Variants in INPP4B observed in about 807,000 individuals in gnomAD.
INPP4B encodes the protein inositol polyphosphate-4-phosphatase type II B, also known as inositol polyphosphate 4-phosphatase type II.
Under a neutral mutation model 122.5 loss-of-function variants are expected in INPP4B, and 55 were observed. The ratio of observed to expected loss-of-function variants is 0.45; its 90% CI spans 0.36 to 0.56. The LOEUF is 0.56. Among genes scored for constraint, INPP4B ranks in the 20% least tolerant of loss-of-function variants. The pLI is 0.00. For missense variants in INPP4B, 1,000 were observed against 1,097.7 expected (o/e 0.91, Z 1.26); for synonymous variants, 403 against 388.7 (o/e 1.04, Z -0.43).
intron 10 of INPP4B, among the ~76,000 whole-genome samples, chr4:142,268,805 T>C (rs1744300172): frequency 6.6e-6 from 1 of 152,198 alleles, no homozygotes; most frequent in Non-Finnish European, 1.5e-5. Context: ...AAAGAGATTC[T>C]TGGGACCCCA....
At chr4:142,767,541 C>G (rs1289670412) in intron 1 of INPP4B, 1 of 152,144 alleles carries the variant, frequency 6.6e-6, no homozygotes, top group Non-Finnish European at 1.5e-5. Flanking sequence ...CTTAGCTTAG[C>G]CTCTCTGTGC....
intron 12 of INPP4B, among the ~76,000 whole-genome samples, chr4:142,217,981 A>G (rs2149662347): frequency 6.6e-6 from 1 of 152,222 alleles, no homozygotes; most frequent in South Asian, 2.1e-4. Context: ...CTCACCCTGC[A>G]AATCTTGGGA....
intron 10 of INPP4B, among the ~76,000 whole-genome samples, chr4:142,267,717 T>C (rs1743516796): frequency 6.6e-6 from 1 of 152,048 alleles, no homozygotes; most frequent in African/African-American, 2.4e-5. Flanking sequence ...AATAAGCAAA[T>C]GGCATTGTAT....
chr4:142,090,706 C>T lies in INPP4B; in HGVS notation c.2375-4450G>A, dbSNP rs1003998952. On this transcript the variant is annotated intron_variant, in intron 23 of 25. Transcript: ENST00000262992. The stretch of plus-strand genomic sequence containing the variant: ...CTATGCATATCTCCATAATAGTATT[C>T]TTTTTTTTTTCAAATGGAGTTTAAG... Among the ~76,000 whole-genome samples, 26 of 149,462 alleles carry T rather than the reference C, an allele frequency of 1.7e-4. 1 individual carries two copies. Among genetic ancestry groups the T allele is most frequent in the Non-Finnish European group, 3.6e-4 (24 of 67,462 alleles).
intron 18 of INPP4B, among the ~76,000 whole-genome samples, chr4:142,136,728 G>C (rs1413369285): frequency 6.6e-6 from 1 of 152,204 alleles, no homozygotes; most frequent in African/African-American, 2.4e-5. Context: ...GGCAGGTGGT[G>C]GTAAGGGAAT....
intron 10 of INPP4B, 21 bp from the exon 11 acceptor site, chr4:142,260,585 A>G (rs765969704): frequency 1.4e-6 from 2 of 1,474,726 alleles, no homozygotes; most frequent in South Asian, 2.5e-5. Flanking sequence ...ATGTAAAAAA[A>G]AAAAAAAAAT....
chr4:142,454,806 T>A (rs972480676), intron 3 of INPP4B, among the ~76,000 whole-genome samples: 2 of 152,042 alleles, frequency 1.3e-5, no homozygotes, highest in Non-Finnish European at 2.9e-5. Flanking sequence ...TGCAAAGTTG[T>A]TAATTGTTTT....
At chr4:142,506,825 C>G (rs1011549182) in intron 2 of INPP4B, among the ~76,000 whole-genome samples, 1 of 152,076 alleles carries the variant, frequency 6.6e-6, no homozygotes, top group Non-Finnish European at 1.5e-5. Flanking sequence ...AATGATTGCT[C>G]TATTATTATT....
chr4:142,246,773 C>A (rs1729087887), intron 11 of INPP4B, among the ~76,000 whole-genome samples: 1 of 152,068 alleles, frequency 6.6e-6, no homozygotes, highest in Non-Finnish European at 1.5e-5. Context: ...CTCTTCCTAT[C>A]TGAATACCCT....
At chr4:142,263,453 C>T (rs1741086226) in intron 10 of INPP4B, among the ~76,000 whole-genome samples, 1 of 151,624 alleles carries the variant, frequency 6.6e-6, no homozygotes, top group African/African-American at 2.4e-5. Context: ...CATATTCTGT[C>T]TTCTATGAGA....
chr4:142,324,372 C>T (rs530543448), intron 7 of INPP4B, among the ~76,000 whole-genome samples: 99 of 152,210 alleles, frequency 6.5e-4, no homozygotes, highest in African/African-American at 2.4e-3. Flanking sequence ...AACCAACAGC[C>T]TGACTGGCCT....
At chr4:142,379,584 C>T (rs534951593) in intron 7 of INPP4B, among the ~76,000 whole-genome samples, 1 of 152,280 alleles carries the variant, frequency 6.6e-6, no homozygotes, top group East Asian at 1.9e-4. Context: ...CAAGGAAAGC[C>T]TGTGTTTCTT....
At chr4:142,750,917 T>A (rs1057132110) in intron 1 of INPP4B, among the ~76,000 whole-genome samples, 2 of 152,014 alleles carry the variant, frequency 1.3e-5, no homozygotes, top group African/African-American at 4.8e-5. Context: ...TAGAAACAGG[T>A]AGACTAAATG....
chr4:142,112,951 A>G (rs1279737122), intron 21 of INPP4B, among the ~76,000 whole-genome samples: 1 of 152,118 alleles, frequency 6.6e-6, no homozygotes, highest in African/African-American at 2.4e-5. Context: ...ACCCAGGGTC[A>G]TGTGCATTGA....
At chr4:142,732,550 GAACA>G (rs1428426102) in intron 1 of INPP4B, among the ~76,000 whole-genome samples, 2 of 151,732 alleles carry the variant, frequency 1.3e-5, no homozygotes, top group African/African-American at 4.8e-5. Context: ...CTACCATAAT[GAACA>G]AATAAAAAAT....
chr4:142,158,507 C>T (rs1385078699), intron 17 of INPP4B, among the ~76,000 whole-genome samples: 3 of 152,082 alleles, frequency 2.0e-5, no homozygotes, highest in African/African-American at 7.2e-5. Context: ...GATACAGTCC[C>T]CACTTTCTTC....
Position 142,348,643 on chromosome 4 carries a change from C to A in INPP4B, c.373-33881G>T, listed in dbSNP as rs990033201. ...TTCTTTCTCAATAAGAGCTTGGTGACACATTAATCTAAAGCAACATTGCTC... is the reference window on the plus strand; with the variant it reads ...TTCTTTCTCAATAAGAGCTTGGTGAAACATTAATCTAAAGCAACATTGCTC... On this transcript the variant is annotated intron_variant, in intron 7 of 25. Coordinates refer to ENST00000262992, the MANE Select transcript of INPP4B (RefSeq NM_001101669.3). 3.3e-5 allele frequency among the ~76,000 whole-genome samples: 5 copies of A among 152,140 alleles called. 1 individual carries two copies. Among genetic ancestry groups the A allele is most frequent in the Admixed American group, 3.3e-4 (5 of 15,262 alleles).
chr4:142,602,812 A>G (rs568762646), intron 2 of INPP4B, among the ~76,000 whole-genome samples: 1 of 152,318 alleles, frequency 6.6e-6, no homozygotes, highest in African/African-American at 2.4e-5. Flanking sequence ...TGACTCCTCA[A>G]AGACCTAGAG....
chr4:142,830,562 C>T (rs1781993758), intron 1 of INPP4B, among the ~76,000 whole-genome samples: 1 of 151,792 alleles, frequency 6.6e-6, no homozygotes, highest in Non-Finnish European at 1.5e-5. Flanking sequence ...GAGTGTGTTC[C>T]CTGCTGGAAG....
Sources: gnomAD v4.1 joint callset for allele counts (sites outside exome capture counted in the v4.1 genomes callset) on GRCh38, gnomAD v4.1.1 for gene constraint, MANE v1.5 for transcripts, NCBI Gene and HGNC (gene_info 2026-07-23, HGNC 2026-07-21) for gene names.